CDC45: variants seen among roughly 807,000 people sequenced by gnomAD.
CDC45 encodes the protein cell division control protein 45 homolog.
CDC45 carries 54 observed loss-of-function variants against 77.8 expected under a neutral mutation model. The observed-to-expected ratio is 0.69, with a 90% CI of 0.56 to 0.87. The LOEUF is 0.87. Ranked by LOEUF, CDC45 falls within the 40% of genes least tolerant of loss-of-function variation. The pLI is 0.00. For missense variants in CDC45, 649 were observed against 721.6 expected (o/e 0.90, Z 1.15); for synonymous variants, 260 against 272.1 (o/e 0.96, Z 0.44).
chr22:19,512,706 T>A (rs1253887750), intron 13 of CDC45, among the ~76,000 whole-genome samples: 1 of 152,222 alleles, frequency 6.6e-6, no homozygotes, highest in African/African-American at 2.4e-5. Flanking sequence ...TCTTTGTAAC[T>A]TTAACATATT....
intron 12 of CDC45, among the ~76,000 whole-genome samples, chr22:19,508,137 G>A (rs546619050): frequency 3.0e-4 from 46 of 152,244 alleles, no homozygotes; most frequent in Non-Finnish European, 4.3e-4. Context: ...GCTGCTGTGG[G>A]ACCTGTGAGG....
intron 4 of CDC45, among the ~76,000 whole-genome samples, chr22:19,483,489 C>G (rs765823095): frequency 1.4e-4 from 21 of 152,094 alleles, no homozygotes; most frequent in Non-Finnish European, 2.5e-4. Context: ...GAGTTTTAGT[C>G]ACCACTTAGG....
intron 10 of CDC45, among the ~76,000 whole-genome samples, chr22:19,505,877 A>G (rs1347595756): frequency 1.3e-5 from 2 of 152,160 alleles, no homozygotes; most frequent in Admixed American, 1.3e-4. Flanking sequence ...TGGGGAGACC[A>G]CATCTCACAC....
chr22:19,487,173 T>C (rs1420475078), intron 5 of CDC45, among the ~76,000 whole-genome samples: 4 of 151,066 alleles, frequency 2.6e-5, no homozygotes, highest in Non-Finnish European at 5.9e-5. Context: ...ATGCCGGTAA[T>C]CCCAGCTACT....
In CDC45 at chr22:19,516,613, C is replaced by G. The variant is rs1254420859; in HGVS notation, c.1527C>G (p.Ile509Met). Residue 509 changes from isoleucine to methionine, a missense_variant, in exon 16 of 19, where the codon ATC (isoleucine) becomes ATG (methionine). By Grantham distance (10) the Ile-to-Met change is conservative (BLOSUM62 1). Transcript: ENST00000263201. ...ATGGCACAGTGACCGTGGTGGGCAT[C>G]CCCCCAGAGACCGACAGCTCGGACA... ...MEHGTVTVVG[I>M]PPETDSSDRK... The G allele has an allele frequency of 6.2e-7, 1 of 1,613,654 alleles. No individual in the cohort carries two copies. Among genetic ancestry groups the G allele is most frequent in the African/African-American group, 1.3e-5 (1 of 74,876 alleles).
At chr22:19,480,270 T>C (rs2089955866) in intron 2 of CDC45, 53 bp downstream of exon 2, 1 of 1,530,760 alleles carries the variant, frequency 6.5e-7, no homozygotes, top group Admixed American at 1.7e-5. Context: ...GTGAGGGTGC[T>C]GCGTGGGGGC....
At chr22:19,494,078 G>A (rs2090199045) in intron 5 of CDC45, among the ~76,000 whole-genome samples, 1 of 152,184 alleles carries the variant, frequency 6.6e-6, no homozygotes, top group Non-Finnish European at 1.5e-5. Flanking sequence ...TGGAGCAGGT[G>A]CTTGGGAAGC....
intron 3 of CDC45, 128 bp from the exon 4 acceptor site, chr22:19,482,562 C>T: frequency 2.0e-6 from 2 of 1,007,948 alleles, no homozygotes; most frequent in East Asian, 5.0e-5. Context: ...TTTGGAGTCC[C>T]TTGCCACGTG....
At chr22:19,488,763 C>T (rs573033313) in intron 5 of CDC45, among the ~76,000 whole-genome samples, 100 of 152,182 alleles carry the variant, frequency 6.6e-4, no homozygotes, top group Middle Eastern at 3.4e-3. Context: ...TTCCATTACC[C>T]GCAAAAAGTT....
At chr22:19,479,635 C>T (rs1454219577), upstream of CDC45, 2 of 653,254 alleles carry the variant, frequency 3.1e-6, no homozygotes, top group South Asian at 1.5e-5. Flanking sequence ...CAGTGGGAGG[C>T]AGTAGGCTTC....
chr22:19,506,160 A>G (rs888079541), intron 10 of CDC45, among the ~76,000 whole-genome samples: 1 of 152,220 alleles, frequency 6.6e-6, no homozygotes, highest in Admixed American at 6.5e-5. Context: ...GCAGTCAGAT[A>G]GCATGATGTC....
chr22:19,498,508 G>A, intron 8 of CDC45, among the ~76,000 whole-genome samples: 1 of 152,232 alleles, frequency 6.6e-6, no homozygotes, highest in Non-Finnish European at 1.5e-5. Context: ...GGGAAGCCAG[G>A]CCTTGCCTGG....
intron 7 of CDC45, 68 bp downstream of exon 7, chr22:19,496,097 G>A (rs1162893909): frequency 3.7e-6 from 4 of 1,078,298 alleles, no homozygotes; most frequent in Non-Finnish European, 5.6e-6. Context: ...CAAATGTGAA[G>A]AAGAAACGTA....
At chr22:19,485,010 G>A (rs528388844) in intron 5 of CDC45, among the ~76,000 whole-genome samples, 8 of 151,736 alleles carry the variant, frequency 5.3e-5, no homozygotes, top group African/African-American at 1.9e-4. Context: ...GGGCTCACTC[G>A]ATCTTCCCAC....
intron 1 of CDC45, 36 bp downstream of exon 1, chr22:19,480,055 C>A: frequency 6.2e-7 from 1 of 1,613,090 alleles, no homozygotes; most frequent in Non-Finnish European, 8.5e-7. Flanking sequence ...CGAGGCCTTG[C>A]CGGTGGGGAA....
chr22:19,487,471 A>C (rs2090088757), intron 5 of CDC45, among the ~76,000 whole-genome samples: 1 of 152,058 alleles, frequency 6.6e-6, no homozygotes, highest in Non-Finnish European at 1.5e-5. Flanking sequence ...TTGAGGCTGC[A>C]GTGATCCATG....
rs1933807047 is a variant in CDC45, at chr22:19,516,621, A to G, written c.1535A>G (p.Glu512Gly). 1.2e-6 allele frequency: 2 copies of G among 1,613,700 alleles called. No homozygotes were observed. Among genetic ancestry groups the G allele is most frequent in the Non-Finnish European group, 1.7e-6 (2 of 1,179,790 alleles). The change falls in exon 16 of 19, where the codon GAG (glutamate) becomes GGG (glycine). Residue 512 changes from glutamate (E) to glycine (G), a missense_variant. Coordinates refer to ENST00000263201, the MANE Select transcript of CDC45 (RefSeq NM_003504.5). ...GTVTVVGIPP[E>G]TDSSDRKNFF... ...GTGACCGTGGTGGGCATCCCCCCAG[A>G]GACCGACAGCTCGGACAGGAAGAAG...
intron 3 of CDC45, 66 bp from the exon 4 acceptor site, chr22:19,482,624 G>A: frequency 6.5e-7 from 1 of 1,533,660 alleles, no homozygotes; most frequent in Non-Finnish European, 8.9e-7. Flanking sequence ...CAACTCAGAG[G>A]CTTAGTGATG....
At chr22:19,482,104 C>T (rs763912273) in intron 3 of CDC45, among the ~76,000 whole-genome samples, 1 of 152,164 alleles carries the variant, frequency 6.6e-6, no homozygotes, top group Non-Finnish European at 1.5e-5. Context: ...ACATTGTACA[C>T]CCCACAGAGA....
Sources: allele counts gnomAD v4.1 joint callset (sites outside exome capture counted in the v4.1 genomes callset), GRCh38; gene constraint gnomAD v4.1.1; transcripts MANE v1.5; gene names NCBI Gene and HGNC (gene_info 2026-07-23, HGNC 2026-07-21).